The following CEP85L variants were observed in gnomAD, a reference collection of about 807,000 sequenced individuals.
The protein encoded by CEP85L is centrosomal protein 85L, also known as centrosomal protein of 85 kDa-like.
Under a neutral mutation model 100.3 loss-of-function variants are expected in CEP85L, and 60 were observed. The ratio of observed to expected loss-of-function variants is 0.60; its 90% CI spans 0.49 to 0.74. The LOEUF (loss-of-function observed/expected upper bound fraction) is 0.74, where lower values mean the gene tolerates loss of function less well. Ranked by LOEUF, CEP85L falls within the 30% of genes least tolerant of loss-of-function variation. The pLI is 0.00. For synonymous variants in CEP85L, 319 were observed against 322.7 expected, an observed-to-expected ratio of 0.99 and a Z score of 0.12; for missense variants, 973 against 936.2, an observed-to-expected ratio of 1.04 and a Z score of -0.51.
At chr6:118,483,174 A>C (rs1773914758) in intron 7 of CEP85L, among the ~76,000 whole-genome samples, 1 of 152,066 alleles carries the variant, frequency 6.6e-6, no homozygotes, top group Non-Finnish European at 1.5e-5. Flanking sequence ...ATTTATAAAT[A>C]AGGTTTCAAG....
intron 8 of CEP85L, among the ~76,000 whole-genome samples, chr6:118,481,290 A>G (rs184411532): frequency 8.6e-5 from 13 of 151,138 alleles, no homozygotes. Flanking sequence ...TAATATTTTC[A>G]GTCTTCATTT....
intron 1 of CEP85L, among the ~76,000 whole-genome samples, chr6:118,673,073 T>C (rs552297106): frequency 3.3e-5 from 5 of 152,278 alleles, no homozygotes; most frequent in East Asian, 1.9e-4. Flanking sequence ...CTGGTTCTAG[T>C]GCAGTGCTCT....
At chr6:118,483,430 G>C (rs973734068) in intron 7 of CEP85L, among the ~76,000 whole-genome samples, 2 of 152,106 alleles carry the variant, frequency 1.3e-5, no homozygotes, top group African/African-American at 2.4e-5. Flanking sequence ...GTGTGTGCAT[G>C]CATGTGTATG....
chr6:118,544,185 C>G (rs1204063893), intron 3 of CEP85L, among the ~76,000 whole-genome samples: 1 of 152,216 alleles, frequency 6.6e-6, no homozygotes, highest in Non-Finnish European at 1.5e-5. Context: ...ATAGAACCTT[C>G]TTAACAATGT....
At chr6:118,664,477 A>T (rs976876509) in intron 1 of CEP85L, 1 of 152,586 alleles carries the variant, frequency 6.6e-6, no homozygotes, top group African/African-American at 2.4e-5. Context: ...TTCACGAAGG[A>T]GGGACTATCA....
At chr6:118,465,721 A>C (rs1772467023) in intron 12 of CEP85L, among the ~76,000 whole-genome samples, 153 bp from the exon 13 acceptor site, 2 of 152,222 alleles carry the variant, frequency 1.3e-5, no homozygotes, top group African/African-American at 4.8e-5. Flanking sequence ...GCATCATTCA[A>C]TATTAAACAG....
intron 2 of CEP85L, among the ~76,000 whole-genome samples, chr6:118,567,247 G>GTATATA (rs1323097174): frequency 5.3e-4 from 17 of 31,912 alleles, no homozygotes; most frequent in Non-Finnish European, 8.8e-4. Context: ...GTGTGTGTGT[G>GTATATA]TGTATATATA....
At chr6:118,537,935 G>A (rs553008953) in intron 3 of CEP85L, 2 of 973,456 alleles carry the variant, frequency 2.1e-6, no homozygotes, top group South Asian at 9.5e-5. Context: ...TCTGGTAAGA[G>A]TCATACCTTA....
At chr6:118,538,860 CAG>C (rs1045066560) in intron 3 of CEP85L, among the ~76,000 whole-genome samples, 1 of 151,762 alleles carries the variant, frequency 6.6e-6, no homozygotes, top group Admixed American at 6.6e-5. Context: ...GAAATATAAA[CAG>C]AATTTAATGA....
chr6:118,527,328 T>C (rs1224746477), intron 3 of CEP85L, among the ~76,000 whole-genome samples: 1 of 152,076 alleles, frequency 6.6e-6, no homozygotes, highest in African/African-American at 2.4e-5. Context: ...AAACGTGCTT[T>C]CCCTGTACTG....
chr6:118,617,725 T>C (rs1773160452), intron 2 of CEP85L, among the ~76,000 whole-genome samples: 1 of 152,252 alleles, frequency 6.6e-6, no homozygotes, highest in South Asian at 2.1e-4. Flanking sequence ...TTGGTCCAAG[T>C]ATCTGTCACT....
In CEP85L at chr6:118,640,870, C is replaced by T. The variant is rs75230257; in HGVS notation, c.74-8259G>A. 4.1e-4 allele frequency among the ~76,000 whole-genome samples: 62 copies of T among 152,138 alleles called. 2 individuals are homozygous for T. The East Asian group carries it at 7.9e-3, about 19-fold the overall frequency. ...AAAGTGCCAGACATATAATTAGGAT[C>T]TCAATAAATGTTATTATTTTTATTA... On this transcript the variant is annotated intron_variant, in intron 1 of 12. Transcript: ENST00000368491.
chr6:118,701,843 T>C (rs749051162), intron 1 of CEP85L, among the ~76,000 whole-genome samples: 14 of 152,054 alleles, frequency 9.2e-5, no homozygotes, highest in African/African-American at 2.9e-4. Context: ...GAAATTCACA[T>C]GATGGTTCAT....
chr6:118,498,157 T>C (rs1341560795), intron 5 of CEP85L, among the ~76,000 whole-genome samples: 1 of 151,914 alleles, frequency 6.6e-6, no homozygotes, highest in African/African-American at 2.4e-5. Flanking sequence ...AAAAGAGAAG[T>C]GTAATAAAGT....
At chr6:118,689,206 T>C (rs1353221989) in intron 1 of CEP85L, among the ~76,000 whole-genome samples, 1 of 152,228 alleles carries the variant, frequency 6.6e-6, no homozygotes, top group African/African-American at 2.4e-5. Context: ...ATTAGGCCTA[T>C]GAGTTACATC....
intron 2 of CEP85L, among the ~76,000 whole-genome samples, chr6:118,568,355 A>C (rs1183808415): frequency 6.6e-6 from 1 of 152,180 alleles, no homozygotes; most frequent in Non-Finnish European, 1.5e-5. Flanking sequence ...TATTTAAGTA[A>C]ATTTCCTATG....
chr6:118,626,791 T>C (rs1299857409), intron 2 of CEP85L, among the ~76,000 whole-genome samples: 2 of 152,104 alleles, frequency 1.3e-5, no homozygotes, highest in African/African-American at 4.8e-5. Context: ...GCACAGAACC[T>C]TGGGTGTTAC....
At chr6:118,478,472 T>C (rs944673781) in intron 10 of CEP85L, among the ~76,000 whole-genome samples, 1 of 152,076 alleles carries the variant, frequency 6.6e-6, no homozygotes, top group African/African-American at 2.4e-5. Context: ...TATCTATAGA[T>C]CTCTGTGTCT....
intron 5 of CEP85L, among the ~76,000 whole-genome samples, chr6:118,493,116 C>T (rs1227252919): frequency 2.6e-5 from 4 of 151,902 alleles, no homozygotes; most frequent in South Asian, 2.1e-4. Flanking sequence ...AGACATTGAG[C>T]GAATGAGGAA....
Sources: allele counts gnomAD v4.1 joint callset (sites outside exome capture counted in the v4.1 genomes callset), GRCh38; gene constraint gnomAD v4.1.1; transcripts MANE v1.5; gene names NCBI Gene and HGNC (gene_info 2026-07-23, HGNC 2026-07-21).